FRMD4B: variants seen among roughly 807,000 people sequenced by gnomAD.
The protein encoded by FRMD4B is FERM domain containing 4B, also known as FERM domain-containing protein 4B.
Under a neutral mutation model 141.5 loss-of-function variants are expected in FRMD4B, and 74 were observed. The observed-to-expected ratio is 0.52, with a 90% CI of 0.43 to 0.63. The LOEUF is 0.63. Ranked by LOEUF, FRMD4B falls within the 30% of genes least tolerant of loss-of-function variation. The pLI, the probability that FRMD4B is intolerant of heterozygous loss-of-function variation, is 0.00. For synonymous variants in FRMD4B, 506 were observed against 467.9 expected (o/e 1.08, Z -1.05); for missense variants, 1,366 against 1,253.4 (o/e 1.09, Z -1.36).
At chr3:69,335,875 AC>A (rs1038073722) in intron 1 of FRMD4B, among the ~76,000 whole-genome samples, 9 of 151,670 alleles carry the variant, frequency 5.9e-5, no homozygotes, top group Non-Finnish European at 1.3e-4. Flanking sequence ...GGTGCGTGCC[AC>A]CATGTTCGGC....
Position 69,311,284 on chromosome 3 carries a change from C to T in FRMD4B, c.302G>A (p.Gly101Glu), listed in dbSNP as rs1364444905. Residue 101 changes from glycine (G) to glutamate (E), a missense_variant, in exon 3 of 23, where the codon GGA (glycine) becomes GAA (glutamate). Physicochemically the swap from Gly to Glu is moderately conservative, Grantham distance 98 (BLOSUM62 -2). Coordinates refer to ENST00000398540, the MANE Select transcript of FRMD4B (RefSeq NM_015123.3). ...TTACGTGTCATCTATGAATGTTATT[C>T]CAAAATACTCCTTTTCTTTCAGGTT... is the stretch of plus-strand genomic sequence containing the variant. ...HFNLKEKEYF[G>E]ITFIDDTGQQ... 1.3e-6 allele frequency: 2 copies of T among 1,560,988 alleles called. No individual in the cohort carries two copies. Among genetic ancestry groups the T allele is most frequent in the African/African-American group, 1.4e-5 (1 of 73,808 alleles).
intron 14 of FRMD4B, among the ~76,000 whole-genome samples, chr3:69,195,628 A>G (rs900201177): frequency 2.0e-5 from 3 of 152,156 alleles, no homozygotes; most frequent in Admixed American, 1.3e-4. Flanking sequence ...TCCCAGACAC[A>G]CCCAAAGAAA....
At chr3:69,329,481 C>G (rs1702294784) in intron 1 of FRMD4B, among the ~76,000 whole-genome samples, 1 of 146,478 alleles carries the variant, frequency 6.8e-6, no homozygotes, top group Admixed American at 7.0e-5. Context: ...TCCCAAGTAG[C>G]TGGGACTACA....
chr3:69,336,299 G>A (rs1190933660), intron 1 of FRMD4B, among the ~76,000 whole-genome samples: 1 of 152,158 alleles, frequency 6.6e-6, no homozygotes, highest in Non-Finnish European at 1.5e-5. Flanking sequence ...AATAGAGAGT[G>A]GCACCCGGCA....
chr3:69,214,888 T>TGC lies in FRMD4B; in HGVS notation c.876+1374_876+1375insGC, dbSNP rs1559723679. Among the ~76,000 whole-genome samples the TGC allele has an allele frequency of 2.0e-5, 3 of 151,526 alleles. No individual in the cohort carries two copies. In the East Asian group the frequency reaches 5.9e-4, roughly 30 times the overall value. On this transcript the variant is annotated intron_variant, in intron 11 of 22. Transcript: ENST00000398540. ...AAAAATAATAATAATAATGAATTTT[T>TGC]TTTTTTTTTGAGATGAAGTCTCACC...
intron 1 of FRMD4B, among the ~76,000 whole-genome samples, chr3:69,517,521 T>C (rs1700782659): frequency 1.3e-5 from 2 of 152,296 alleles, no homozygotes; most frequent in South Asian, 2.1e-4. Context: ...TGCCTGACCA[T>C]TAAGTCTCAT....
intron 19 of FRMD4B, among the ~76,000 whole-genome samples, chr3:69,184,072 T>A (rs963242459): frequency 2.0e-5 from 3 of 151,926 alleles, no homozygotes; most frequent in Non-Finnish European, 2.9e-5. Flanking sequence ...ATGTTTATTT[T>A]TTTTATTTTT....
intron 2 of FRMD4B, among the ~76,000 whole-genome samples, chr3:69,413,868 T>C (rs1242365070): frequency 6.6e-6 from 1 of 152,140 alleles, no homozygotes; most frequent in African/African-American, 2.4e-5. Flanking sequence ...TACGTGTTTC[T>C]CAGAGATGTA....
intron 3 of FRMD4B, chr3:69,310,628 C>T (rs1021301351): frequency 3.3e-6 from 1 of 304,750 alleles, no homozygotes; most frequent in East Asian, 9.3e-5. Flanking sequence ...GCTAGTAAAT[C>T]CAAACACATT....
At chr3:69,224,477 T>A (rs2093230728) in intron 8 of FRMD4B, 130 bp downstream of exon 8, 8 of 685,150 alleles carry the variant, frequency 1.2e-5, no homozygotes, top group Admixed American at 1.0e-4. Flanking sequence ...GGTCTACCTA[T>A]GGTTACTTTA....
chr3:69,534,957 G>T (rs531588349), intron 1 of FRMD4B, among the ~76,000 whole-genome samples: 1 of 145,778 alleles, frequency 6.9e-6, no homozygotes, highest in Admixed American at 7.0e-5. Context: ...TTTTTTCCTA[G>T]CCTCCACAAA....
chr3:69,536,684 A>C, intron 1 of FRMD4B: 2 of 726,998 alleles, frequency 2.8e-6, no homozygotes, highest in Admixed American at 4.0e-5. Context: ...TGACACTCCC[A>C]GGAGGGGAGG....
chr3:69,192,542 T>A (rs2092849772), intron 17 of FRMD4B, among the ~76,000 whole-genome samples: 1 of 151,868 alleles, frequency 6.6e-6, no homozygotes, highest in Admixed American at 6.5e-5. Flanking sequence ...AATTGGACTT[T>A]AAATCCACCT....
chr3:69,493,226 G>C (rs1281339033), intron 1 of FRMD4B, among the ~76,000 whole-genome samples: 1 of 152,186 alleles, frequency 6.6e-6, no homozygotes, highest in Non-Finnish European at 1.5e-5. Flanking sequence ...CAAATTAAGA[G>C]GGGAGAGTAG....
intron 18 of FRMD4B, among the ~76,000 whole-genome samples, chr3:69,188,550 G>T (rs1341618751): frequency 3.3e-5 from 5 of 151,954 alleles, no homozygotes; most frequent in Non-Finnish European, 7.4e-5. Context: ...GAGGTCAGGA[G>T]ATCGAGACCA....
intron 7 of FRMD4B, among the ~76,000 whole-genome samples, chr3:69,226,439 T>TC (rs946679341): frequency 2.1e-5 from 3 of 142,926 alleles, no homozygotes; most frequent in African/African-American, 7.7e-5. Flanking sequence ...TTTTTTTTTT[T>TC]CCAAACCTAA....
chr3:69,463,217 C>A (rs376767248), intron 1 of FRMD4B, among the ~76,000 whole-genome samples: 25 of 152,232 alleles, frequency 1.6e-4, no homozygotes, highest in African/African-American at 6.0e-4. Flanking sequence ...TAGGCAACCA[C>A]TGTTCTGATT....
At chr3:69,338,197 T>C (rs370237588) in intron 1 of FRMD4B, among the ~76,000 whole-genome samples, 5 of 152,076 alleles carry the variant, frequency 3.3e-5, no homozygotes, top group African/African-American at 1.2e-4. Context: ...CTGAGCAAAC[T>C]ATCGCAAGGA....
chr3:69,413,807 C>A (rs145243457), intron 2 of FRMD4B, among the ~76,000 whole-genome samples: 17 of 152,158 alleles, frequency 1.1e-4, no homozygotes, highest in Non-Finnish European at 2.5e-4. Flanking sequence ...ATCTCCTATG[C>A]CGGGAGCTGC....
Sources: gnomAD v4.1 joint callset for allele counts (sites outside exome capture counted in the v4.1 genomes callset) on GRCh38, gnomAD v4.1.1 for gene constraint, MANE v1.5 for transcripts, NCBI Gene and HGNC (gene_info 2026-07-23, HGNC 2026-07-21) for gene names.